The following TRAF3 variants were observed in gnomAD, a reference collection of about 807,000 sequenced individuals.
The protein encoded by TRAF3 is TNF receptor associated factor 3.
A neutral mutation model predicts 62.3 loss-of-function variants in TRAF3; 13 were observed. That is an observed-to-expected ratio of 0.21 (90% confidence interval 0.14 to 0.33). The LOEUF (loss-of-function observed/expected upper bound fraction) is 0.33. TRAF3 is among the 10% of genes least tolerant of loss of function. TRAF3 has a pLI of 1.00. For synonymous variants in TRAF3, 269 were observed against 283.4 expected (o/e 0.95, Z 0.51); for missense variants, 440 against 741.8 (o/e 0.59, Z 4.73).
intron 10 of TRAF3, among the ~76,000 whole-genome samples, chr14:102,899,516 G>A (rs1310490403): frequency 2.0e-5 from 3 of 152,134 alleles, no homozygotes; most frequent in African/African-American, 7.2e-5. Flanking sequence ...CCCACTCCCT[G>A]CGCTAAAGTG....
intron 2 of TRAF3, among the ~76,000 whole-genome samples, chr14:102,833,873 C>T (rs551880857): frequency 6.6e-6 from 1 of 151,848 alleles, no homozygotes; most frequent in South Asian, 2.1e-4. Context: ...CCTGTAATCC[C>T]AGCTACTCAG....
intron 1 of TRAF3, among the ~76,000 whole-genome samples, chr14:102,796,714 G>A (rs1264880265): frequency 6.6e-6 from 1 of 152,220 alleles, no homozygotes; most frequent in Non-Finnish European, 1.5e-5. Context: ...GAATTGCAGA[G>A]GCCTGAGTGC....
intron 10 of TRAF3, among the ~76,000 whole-genome samples, chr14:102,902,010 C>T (rs1391476575): frequency 1.3e-5 from 2 of 152,232 alleles, no homozygotes; most frequent in Non-Finnish European, 2.9e-5. Context: ...CCTTTAAGTC[C>T]CTGGCTTCAT....
chr14:102,870,489 C>G (rs1471587511), intron 3 of TRAF3, 43 bp downstream of exon 3: 1 of 1,607,334 alleles, frequency 6.2e-7, no homozygotes, highest in South Asian at 1.1e-5. Flanking sequence ...CCTTCTCAGC[C>G]CTCGGCCTCA....
At chr14:102,872,782 C>T (rs1420013748) in intron 4 of TRAF3, among the ~76,000 whole-genome samples, 2 of 151,960 alleles carry the variant, frequency 1.3e-5, no homozygotes, top group African/African-American at 2.4e-5. Flanking sequence ...GCCTCCACCT[C>T]CCAGGTTCAA....
At chr14:102,897,218 A>C (rs1246827932) in intron 9 of TRAF3, 43 bp from the exon 10 acceptor site, 1 of 1,575,256 alleles carries the variant, frequency 6.3e-7, no homozygotes, top group East Asian at 2.3e-5. Context: ...AATTAATATG[A>C]AAACCACTTT....
intron 2 of TRAF3, among the ~76,000 whole-genome samples, chr14:102,841,853 CAACAT>C (rs1412313379): frequency 6.6e-6 from 1 of 151,960 alleles, no homozygotes; most frequent in East Asian, 1.9e-4. Context: ...GTTGCACACT[CAACAT>C]AAAACGTAGA....
At chr14:102,837,152 G>GA (rs1313178793) in intron 2 of TRAF3, among the ~76,000 whole-genome samples, 1 of 150,092 alleles carries the variant, frequency 6.7e-6, no homozygotes, top group South Asian at 2.1e-4. Flanking sequence ...GTTTTTTTTG[G>GA]GGGGGGGTGA....
intron 1 of TRAF3, among the ~76,000 whole-genome samples, chr14:102,815,759 C>A (rs1484604243): frequency 6.6e-6 from 1 of 152,156 alleles, no homozygotes; most frequent in Admixed American, 6.5e-5. Context: ...AGGAAACTTA[C>A]AATCAAGGCA....
chr14:102,883,624 C>T (rs1303781238), intron 6 of TRAF3, among the ~76,000 whole-genome samples: 3 of 152,056 alleles, frequency 2.0e-5, no homozygotes, highest in African/African-American at 7.2e-5. Context: ...CTCACTCTGC[C>T]GCCCAGGCTG....
At chr14:102,778,416 C>T (rs1327022157) in intron 1 of TRAF3, among the ~76,000 whole-genome samples, 2 of 152,188 alleles carry the variant, frequency 1.3e-5, no homozygotes, top group Admixed American at 6.5e-5. Context: ...AAAATTCTCT[C>T]CCTTCGGTTG....
At position 102,891,316 on chromosome 14, in the gene TRAF3, C is replaced by T. The variant is rs1889700226; in HGVS notation, c.727-9C>T. The stretch of plus-strand genomic sequence containing the variant: ...GTTCGCTGAATGCCTCACATGTTTG[C>T]TCTCGCAGGGGACAAACCAGCAGAT... On this transcript the variant is annotated splice_polypyrimidine_tract_variant and intron_variant, in intron 8 of 11. Transcript: ENST00000392745. 1.2e-6 allele frequency: 2 copies of T among 1,611,884 alleles called. No homozygotes were observed. Among genetic ancestry groups the T allele is most frequent in the Non-Finnish European group, 1.7e-6 (2 of 1,179,490 alleles).
intron 2 of TRAF3, among the ~76,000 whole-genome samples, chr14:102,833,020 C>T (rs1270651554): frequency 2.0e-5 from 3 of 152,196 alleles, no homozygotes. Context: ...GGGAGGTCCC[C>T]ATATCCACAT....
At chr14:102,777,765 G>T (rs1194538684) in intron 1 of TRAF3, 90 bp downstream of exon 1, 1 of 145,030 alleles carries the variant, frequency 6.9e-6, no homozygotes, top group Non-Finnish European at 1.5e-5. Flanking sequence ...GGGCGGCGGG[G>T]CCCGGGGGCC....
rs537698152 is a variant in TRAF3 at position 102,826,470 on chromosome 14, C to T, written c.-156-3864C>T. Among the ~76,000 whole-genome samples, 1 of 152,178 alleles carries T rather than the reference C, an allele frequency of 6.6e-6. No homozygotes were observed. Among genetic ancestry groups the T allele is most frequent in the African/African-American group, 2.4e-5 (1 of 41,518 alleles). ...GGAGCTGCTGGAGGTCGGGGGAGCT[C>T]AGGGAAAGGGCCTTGCTGCCAGGGG... On this transcript the variant is annotated intron_variant, in intron 1 of 11. Coordinates refer to ENST00000392745, the MANE Select transcript of TRAF3 (RefSeq NM_145725.3). This position sits in a 1 kb window ranked among gnomAD's most constrained non-coding sequence, Gnocchi z 4.6.
intron 1 of TRAF3, among the ~76,000 whole-genome samples, chr14:102,822,703 C>T (rs1029743337): frequency 2.0e-5 from 3 of 152,134 alleles, no homozygotes; most frequent in Admixed American, 6.5e-5. Context: ...TCTCTTCCTG[C>T]GGAAAACAGA....
chr14:102,873,417 TGTGA>T (rs1197607884), intron 4 of TRAF3, among the ~76,000 whole-genome samples: 3 of 152,212 alleles, frequency 2.0e-5, no homozygotes, highest in African/African-American at 4.8e-5. Flanking sequence ...GTGCCTAACG[TGTGA>T]GTGAGAGAGA....
At chr14:102,825,913 C>T (rs191903707) in intron 1 of TRAF3, among the ~76,000 whole-genome samples, 1 of 152,324 alleles carries the variant, frequency 6.6e-6, no homozygotes, top group East Asian at 1.9e-4. Context: ...CTCTTTGTGC[C>T]TTCTCTTCTC....
chr14:102,843,157 C>A (rs1003583966), intron 2 of TRAF3, among the ~76,000 whole-genome samples: 1 of 150,592 alleles, frequency 6.6e-6, no homozygotes, highest in Admixed American at 6.6e-5. Flanking sequence ...GAGCCGAGAT[C>A]GTGCCACTGC....
Sources: allele counts gnomAD v4.1 joint callset (sites outside exome capture counted in the v4.1 genomes callset), GRCh38; gene constraint gnomAD v4.1.1; non-coding constraint Gnocchi (gnomAD v3.1); transcripts MANE v1.5; gene names NCBI Gene and HGNC (gene_info 2026-07-23, HGNC 2026-07-21).